The following JAKMIP3 variants were observed in gnomAD, a reference collection of about 807,000 sequenced individuals.
The protein encoded by JAKMIP3 is Janus kinase and microtubule interacting protein 3, also known as janus kinase and microtubule-interacting protein 3.
In JAKMIP3, 58 loss-of-function variants were observed where a neutral mutation model predicts 118.5. The ratio of observed to expected loss-of-function variants is 0.49; its 90% CI spans 0.40 to 0.61. The LOEUF is 0.61. Ranked by LOEUF, JAKMIP3 falls within the 20% of genes least tolerant of loss-of-function variation. The pLI is 0.00. For missense variants in JAKMIP3, 950 were observed against 1,109.0 expected, an observed-to-expected ratio of 0.86 and a Z score of 2.04; for synonymous variants, 486 against 451.2, an observed-to-expected ratio of 1.08 and a Z score of -0.98.
intron 1 of JAKMIP3, among the ~76,000 whole-genome samples, chr10:132,104,383 ACT>A (rs1564901357): frequency 6.6e-6 from 1 of 150,464 alleles, no homozygotes; most frequent in African/African-American, 2.4e-5. Context: ...CCACTCCCTC[ACT>A]CTCTGATTCC....
At chr10:132,091,324 T>A (rs557995423) in intron 1 of JAKMIP3, among the ~76,000 whole-genome samples, 7 of 152,354 alleles carry the variant, frequency 4.6e-5, no homozygotes, top group African/African-American at 1.7e-4. Context: ...GTTCAATTCC[T>A]GGGTATCCTT....
At chr10:132,052,064 A>T (rs1031265633) in intron 1 of JAKMIP3, among the ~76,000 whole-genome samples, 2 of 152,186 alleles carry the variant, frequency 1.3e-5, no homozygotes, top group African/African-American at 4.8e-5. Flanking sequence ...TCTACAAAAA[A>T]TAAAACCACA....
At chr10:132,124,424 C>G (rs564754964) in intron 3 of JAKMIP3, among the ~76,000 whole-genome samples, 2 of 151,332 alleles carry the variant, frequency 1.3e-5, no homozygotes, top group East Asian at 3.9e-4. Flanking sequence ...CATGCAGTCA[C>G]CTGTCCCACC....
chr10:132,036,904 C>T (rs1397279175), intron 1 of JAKMIP3, among the ~76,000 whole-genome samples: 1 of 151,958 alleles, frequency 6.6e-6, no homozygotes, highest in East Asian at 1.9e-4. Flanking sequence ...GGGGCGGGGT[C>T]CTCCTTGCCT....
chr10:132,164,432 G>A (rs141918134), intron 20 of JAKMIP3, among the ~76,000 whole-genome samples: 1 of 152,256 alleles, frequency 6.6e-6, no homozygotes, highest in African/African-American at 2.4e-5. Flanking sequence ...CTGAGTTGAA[G>A]TTGCAGGAAT....
intron 1 of JAKMIP3, among the ~76,000 whole-genome samples, chr10:132,058,852 G>A (rs761934392): frequency 3.9e-5 from 6 of 152,218 alleles, no homozygotes; most frequent in African/African-American, 1.4e-4. Flanking sequence ...TCATAAGGTC[G>A]AAGCCTTGTA....
At chr10:132,062,752 G>T (rs2038440190), upstream of JAKMIP3, among the ~76,000 whole-genome samples, 1 of 152,222 alleles carries the variant, frequency 6.6e-6, no homozygotes. Context: ...AGGGACCGAG[G>T]ATGGGAGCCC....
At chr10:132,180,752 C>T (rs28546090) in intron 23 of JAKMIP3, among the ~76,000 whole-genome samples, 3,820 of 13,618 alleles carry the variant, frequency 0.28, 1,312 homozygotes, top group East Asian at 0.72. Flanking sequence ...CGTGCGCGCG[C>T]GTGTGTGCGT....
At chr10:132,153,858 C>G in intron 18 of JAKMIP3, 31 bp downstream of exon 18, 1 of 1,612,786 alleles carries the variant, frequency 6.2e-7, no homozygotes, top group East Asian at 2.2e-5. Context: ...GGTTCTGCGG[C>G]TCGGTGCTGC....
Position 132,167,964 on chromosome 10 carries a change from A to AT in JAKMIP3, c.*35dup. ...TTCATTTCTTCCAGCCCCACATTGA[A>AT]TCGGACCCTTTTCCTCCAGTGGGAC... On this transcript the variant is annotated 3_prime_UTR_variant, in exon 23 of 24. Coordinates refer to ENST00000684848, the MANE Select transcript of JAKMIP3 (RefSeq NM_001323087.2). 1 of 1,289,398 alleles carries AT rather than the reference A, an allele frequency of 7.8e-7. No homozygotes were observed. Among genetic ancestry groups the AT allele is most frequent in the South Asian group, 1.2e-5 (1 of 81,024 alleles). The allele number at this position is 1,289,398 out of a possible 1,614,324, so 79.9% of individuals were successfully genotyped here. A position where few individuals can be genotyped will look rare whatever the true frequency, so the allele number is the denominator to read the frequency against.
rs55907923 is a variant in JAKMIP3, at chr10:132,046,461, G to GAAA, written c.-138+9731_-138+9733dup. Among the ~76,000 whole-genome samples, 277 of 147,700 alleles carry GAAA rather than the reference G, an allele frequency of 1.9e-3. 1 individual carries two copies. The highest frequency in any genetic ancestry group is 4.7e-3 in the South Asian group (22 of 4,656). ...ACAGAGCAAGACTCCGTCTCAAAAAGAAAAAAAAAACAACCATCCAGGGCG... is the reference window on the plus strand; with the variant it reads ...ACAGAGCAAGACTCCGTCTCAAAAAGAAAAAAAAAAAAACAACCATCCAGGGCG... On this transcript the variant is annotated intron_variant, in intron 1 of 23. Coordinates refer to the JAKMIP3 transcript ENST00000657785.
intron 15 of JAKMIP3, among the ~76,000 whole-genome samples, 154 bp downstream of exon 15, chr10:132,149,664 G>A (rs1280451941): frequency 2.7e-4 from 2 of 7,500 alleles, no homozygotes; most frequent in African/African-American, 1.0e-3. Context: ...CTCCACCCCC[G>A]CCCCACCCCC....
In JAKMIP3 at chr10:132,183,335, C is replaced by T. The variant is rs988642552; in HGVS notation, c.*2082C>T. 1 of 152,246 alleles carries T rather than the reference C, an allele frequency of 6.6e-6. No homozygotes were observed. Among genetic ancestry groups the T allele is most frequent in the East Asian group, 1.9e-4 (1 of 5,198 alleles). 9.4% of individuals were successfully genotyped at this position (152,246 alleles called of 1,614,324 possible). ...CCAATGTGTACCTGCATGGGAACAA[C>T]AGCTGCATGGGCCAGCTGTTTCGGA... On this transcript the variant is annotated 3_prime_UTR_variant, in exon 24 of 24. Coordinates refer to ENST00000684848, the MANE Select transcript of JAKMIP3 (RefSeq NM_001323087.2).
At chr10:132,180,634 C>T (rs199754434) in intron 23 of JAKMIP3, among the ~76,000 whole-genome samples, 664 of 12,796 alleles carry the variant, frequency 0.052, 108 homozygotes, top group African/African-American at 0.17. Context: ...TGCGTGTGTG[C>T]GTGCGTGTGT....
At chr10:132,163,131 C>A in intron 19 of JAKMIP3, 78 bp from the exon 20 acceptor site, 2 of 1,370,440 alleles carry the variant, frequency 1.5e-6, no homozygotes, top group Non-Finnish European at 2.0e-6. Flanking sequence ...CGGAGGGTGG[C>A]CCGGCCTCCG....
At position 132,150,061 on chromosome 10, in the gene JAKMIP3, T is replaced by C; in HGVS notation, c.2007+20T>C. 1.3e-6 allele frequency: 2 copies of C among 1,584,098 alleles called. No individual in the cohort carries two copies. The highest frequency in any genetic ancestry group is 8.6e-7 in the Non-Finnish European group (1 of 1,164,972). On this transcript the variant is annotated intron_variant, in intron 16 of 23. Transcript: ENST00000684848. ...GTAAGTGTATGTCGCTCTCCTGGCT[T>C]GTGCATGCCTCTTACACCCACAACC...
At chr10:132,126,505 G>C (rs1297639886) in intron 3 of JAKMIP3, among the ~76,000 whole-genome samples, 2 of 151,988 alleles carry the variant, frequency 1.3e-5, no homozygotes, top group East Asian at 3.9e-4. Context: ...GTCTCGCTTT[G>C]TTGCCCAGGC....
chr10:132,054,379 C>T (rs911416588), intron 1 of JAKMIP3, among the ~76,000 whole-genome samples: 2 of 152,136 alleles, frequency 1.3e-5, no homozygotes, highest in Admixed American at 6.5e-5. Flanking sequence ...CAAGAAGCTT[C>T]CTCTGTGAAG....
intron 1 of JAKMIP3, among the ~76,000 whole-genome samples, chr10:132,097,909 TTC>T (rs2044154113): frequency 4.2e-5 from 2 of 47,904 alleles, no homozygotes; most frequent in East Asian, 1.1e-3. Context: ...CCCCTTCCCC[TTC>T]CCCTTCCCCT....
Sources: gnomAD v4.1 joint callset for allele counts (sites outside exome capture counted in the v4.1 genomes callset) on GRCh38, gnomAD v4.1.1 for gene constraint, MANE v1.5 for transcripts, NCBI Gene and HGNC (gene_info 2026-07-23, HGNC 2026-07-21) for gene names.